The following GNAS variants were observed in gnomAD, a reference collection of about 807,000 sequenced individuals.
GNAS encodes protein ALEX.
Under a neutral mutation model 54.5 loss-of-function variants are expected in GNAS, and 8 were observed. The ratio of observed to expected loss-of-function variants is 0.15; its 90% CI spans 0.09 to 0.26. GNAS has a LOEUF of 0.26. Among genes scored for constraint, GNAS ranks in the 10% least tolerant of loss-of-function variants. The probability of loss-of-function intolerance (pLI) is 1.00; values close to 1 mark genes in which losing one functional copy is unlikely to be tolerated. For synonymous variants in GNAS, 204 were observed against 191.4 expected (o/e 1.07, Z -0.54); for missense variants, 170 against 529.8 (o/e 0.32, Z 6.67).
intron 6 of GNAS, among the ~76,000 whole-genome samples, chr20:58,906,482 C>T (rs1431830695): frequency 6.6e-6 from 1 of 152,126 alleles, no homozygotes; most frequent in African/African-American, 2.4e-5. Context: ...TCATCTTGCA[C>T]ATGATATAGC....
In GNAS at chr20:58,841,477, C is replaced by T; in HGVS notation, c.43+591C>T. ...GCCTAAGCAGCTCAGAGCCGGAGCC[C>T]AGGTCCCAGAGCTGACAATTAAGCC... On this transcript the variant is annotated intron_variant, in intron 1 of 12. Transcript: ENST00000306090. This position sits in a 1 kb window ranked among gnomAD's most constrained non-coding sequence, Gnocchi z 5.0. 1.0e-6 allele frequency: 1 copy of T among 991,772 alleles called. No homozygotes were observed. The highest frequency in any genetic ancestry group is 1.2e-6 in the Non-Finnish European group (1 of 834,288). The allele number at this position is 991,772 out of a possible 1,614,324, so 61.4% of individuals were successfully genotyped here.
intron 1 of GNAS, among the ~76,000 whole-genome samples, chr20:58,893,579 G>A (rs1413789334): frequency 6.6e-6 from 1 of 152,152 alleles, no homozygotes; most frequent in Non-Finnish European, 1.5e-5. Context: ...GTTCTCCTGG[G>A]TCCAGATTTA....
upstream of GNAS, chr20:58,888,946 G>A (rs2088810479): frequency 5.9e-6 from 2 of 340,200 alleles, no homozygotes; most frequent in Non-Finnish European, 8.3e-6. Context: ...CGCCTTGGGC[G>A]CGCCCGCGCC....
chr20:58,876,703 C>T (rs1395455805), intron 1 of GNAS: 1 of 152,216 alleles, frequency 6.6e-6, no homozygotes, highest in Admixed American at 6.5e-5. Context: ...ATTTTACCCT[C>T]CCAGATGCAG....
intron 1 of GNAS, chr20:58,855,300 G>C: frequency 6.3e-7 from 1 of 1,581,764 alleles, no homozygotes; most frequent in Non-Finnish European, 8.6e-7. Context: ...CGAAAAGATG[G>C]GCTACATGTG....
intron 1 of GNAS, 87 bp downstream of exon 1, chr20:58,891,952 C>T: frequency 1.2e-6 from 1 of 835,302 alleles, no homozygotes; most frequent in Non-Finnish European, 1.4e-6. Flanking sequence ...CGCCCCCCGC[C>T]CCGGGCGCGC....
In GNAS at chr20:58,895,694, A is replaced by G; in HGVS notation, c.212+10A>G. On this transcript the variant is annotated intron_variant, in intron 2 of 12. Transcript: ENST00000371085. ...ATGGGTTTAATGGAGAGTAAGTGTC[A>G]AATCTGTGCAGGGGGGCACCAAGTA... 1 of 1,483,184 alleles carries G rather than the reference A, an allele frequency of 6.7e-7. No homozygotes were observed. The allele number at this position is 1,483,184 out of a possible 1,614,324, so 91.9% of individuals were successfully genotyped here.
chr20:58,909,095 G>C lies in GNAS; in HGVS notation c.531-67G>C, dbSNP rs2091263973. ...TCCGTTGAGCCTGACCTTGTAGAGA[G>C]ACACAAATAGTTGGCAAATTGATGT... is the stretch of plus-strand genomic sequence containing the variant. On this transcript the variant is annotated intron_variant, in intron 6 of 12. Transcript: ENST00000371085. This position sits in a 1 kb window ranked among gnomAD's most constrained non-coding sequence, Gnocchi z 7.3. The C allele has an allele frequency of 2.2e-6, 3 of 1,339,022 alleles. No individual in the cohort carries two copies. Among genetic ancestry groups the C allele is most frequent in the Non-Finnish European group, 2.2e-6 (2 of 929,342 alleles). 82.9% of individuals were successfully genotyped at this position (1,339,022 alleles called of 1,614,324 possible). A position where few individuals can be genotyped will look rare whatever the true frequency, so the allele number is the denominator to read the frequency against.
chr20:58,842,273 A>G (rs1169602888), intron 1 of GNAS: 2 of 398,066 alleles, frequency 5.0e-6, no homozygotes, highest in South Asian at 1.3e-4. Flanking sequence ...CGACTTGGAA[A>G]TTGATTTTTT....
chr20:58,908,887 C>T (rs2091252416), intron 6 of GNAS: 2 of 546,358 alleles, frequency 3.7e-6, no homozygotes, highest in Admixed American at 2.9e-5. Flanking sequence ...TGTGTGGCCC[C>T]ACTGCGTCGA....
At chr20:58,868,355 T>C (rs2145684988) in intron 1 of GNAS, among the ~76,000 whole-genome samples, 1 of 152,210 alleles carries the variant, frequency 6.6e-6, no homozygotes, top group East Asian at 1.9e-4. Context: ...GGTTTCACCA[T>C]GTTAGCCAGG....
At chr20:58,878,921 G>GGGGGGGGGGGT (rs1568956181) in intron 1 of GNAS, among the ~76,000 whole-genome samples, 1 of 129,590 alleles carries the variant, frequency 7.7e-6, no homozygotes. Context: ...GTGGGGGGGG[G>GGGGGGGGGGGT]AGGGAGACAA....
At chr20:58,897,120 A>AG (rs889264224) in intron 2 of GNAS, among the ~76,000 whole-genome samples, 2 of 152,364 alleles carry the variant, frequency 1.3e-5, no homozygotes, top group East Asian at 3.9e-4. Flanking sequence ...TGGGATGCAC[A>AG]GGGGGCTTCT....
intron 1 of GNAS, among the ~76,000 whole-genome samples, chr20:58,860,579 C>A (rs186930843): frequency 1.3e-5 from 2 of 152,178 alleles, no homozygotes; most frequent in East Asian, 3.9e-4. Flanking sequence ...TGCCTTACTT[C>A]TAGTCCAGGC....
intron 1 of GNAS, among the ~76,000 whole-genome samples, chr20:58,880,064 G>A (rs2088126004): frequency 1.3e-5 from 2 of 152,074 alleles, no homozygotes; most frequent in Admixed American, 6.5e-5. Context: ...TTTTCCTCGT[G>A]TGCATAGCCA....
At position 58,891,840 on chromosome 20, in the gene GNAS, G is replaced by C; in HGVS notation, c.114G>C (p.Arg38=). 8.0e-7 allele frequency: 1 copy of C among 1,244,544 alleles called. No homozygotes were observed. The highest frequency in any genetic ancestry group is 1.4e-5 in the South Asian group (1 of 72,148). The allele number at this position is 1,244,544 out of a possible 1,614,324, so 77.1% of individuals were successfully genotyped here. A position where few individuals can be genotyped will look rare whatever the true frequency, so the allele number is the denominator to read the frequency against. Residue 38 remains arginine (R), a synonymous_variant, in exon 1 of 13, where the codon CGG becomes CGC. Transcript: ENST00000371085. ...KQLQKDKQVY[R]ATHRLLLLGA... ...TGCAGAAGGACAAGCAGGTCTACCG[G>C]GCCACGCACCGCCTGCTGCTGCTGG...
Position 58,854,025 on chromosome 20 carries a change from C to T in GNAS, c.43+13139C>T. On this transcript the variant is annotated intron_variant, in intron 1 of 12. Coordinates refer to the GNAS transcript ENST00000306090. The stretch of plus-strand genomic sequence containing the variant: ...TATCGCACAAGTCGACGGCAGCAGC[C>T]AGTTCGCGGCAGTCGCGGCCTCGAG... 1 of 1,611,330 alleles carries T rather than the reference C, an allele frequency of 6.2e-7. No homozygotes were observed. Among genetic ancestry groups the T allele is most frequent in the East Asian group, 2.2e-5 (1 of 44,850 alleles).
At chr20:58,902,610 T>C (rs2090721465) in intron 3 of GNAS, among the ~76,000 whole-genome samples, 1 of 151,714 alleles carries the variant, frequency 6.6e-6, no homozygotes, top group Non-Finnish European at 1.5e-5. Context: ...TATAAGGCCT[T>C]CTAGGGGGTG....
At position 58,892,157 on chromosome 20, in the gene GNAS, CTT is replaced by C. The variant is rs1287357599; in HGVS notation, c.139+294_139+295del. Reference sequence around the variant, plus strand: ...TTGCTCTCGCTCTCGCTCTCCCCCTCTTTCTCTCTTTCTCTCTTTTTCCGCGA... The same window carrying C: ...TTGCTCTCGCTCTCGCTCTCCCCCTCTCTCTCTTTCTCTCTTTTTCCGCGA... On this transcript the variant is annotated intron_variant, in intron 1 of 12. Coordinates refer to ENST00000371085, the MANE Select transcript of GNAS (RefSeq NM_000516.7). The C allele has an allele frequency of 9.6e-6, 9 of 940,620 alleles. No homozygotes were observed. The African/African-American group carries it at 1.4e-4, about 15-fold the overall frequency. 58.3% of individuals were successfully genotyped at this position (940,620 alleles called of 1,614,324 possible).
Sources: gnomAD v4.1 joint callset for allele counts (sites outside exome capture counted in the v4.1 genomes callset) on GRCh38, gnomAD v4.1.1 for gene constraint, Gnocchi (gnomAD v3.1) non-coding constraint, MANE v1.5 for transcripts, NCBI Gene and HGNC (gene_info 2026-07-23, HGNC 2026-07-21) for gene names.